The following TDRD12 variants were observed in gnomAD, a reference collection of about 807,000 sequenced individuals.
TDRD12 encodes the protein putative ATP-dependent RNA helicase TDRD12.
TDRD12 carries 158 observed loss-of-function variants against 133.5 expected under a neutral mutation model. The observed-to-expected ratio is 1.18, with a 90% CI of 1.04 to 1.35. TDRD12 has a LOEUF of 1.35. Among genes scored for constraint, TDRD12 ranks in the 40% most tolerant of loss-of-function variants. TDRD12 has a pLI of 0.00. For synonymous variants in TDRD12, 460 were observed against 477.9 expected (o/e 0.96, Z 0.49); for missense variants, 1,443 against 1,321.3 (o/e 1.09, Z -1.43).
chr19:32,802,839 C>A (rs1441178646), intron 20 of TDRD12, 50 bp downstream of exon 20: 1 of 1,533,554 alleles, frequency 6.5e-7, no homozygotes, highest in South Asian at 1.2e-5. Context: ...TCTTCTGTGT[C>A]ATGATAAGCT....
At chr19:32,769,673 ATT>A (rs1970390899) in intron 8 of TDRD12, among the ~76,000 whole-genome samples, 1 of 151,256 alleles carries the variant, frequency 6.6e-6, no homozygotes, top group African/African-American at 2.4e-5. Flanking sequence ...TTTTGCTCTC[ATT>A]GCCCAGGCTA....
chr19:32,787,296 C>T (rs1970936104), intron 11 of TDRD12, among the ~76,000 whole-genome samples: 1 of 152,174 alleles, frequency 6.6e-6, no homozygotes, highest in African/African-American at 2.4e-5. Flanking sequence ...CTGGAAGCTT[C>T]ATCCCAGAGG....
intron 11 of TDRD12, among the ~76,000 whole-genome samples, chr19:32,787,799 C>T (rs541049546): frequency 2.0e-5 from 3 of 152,308 alleles, no homozygotes; most frequent in Admixed American, 6.5e-5. Flanking sequence ...CTGGGAAAAG[C>T]GCAGTATTTG....
exon 9 of TDRD12, chr19:32,826,545 A>G (rs1354867827): frequency 1.6e-6 from 2 of 1,245,788 alleles, no homozygotes; most frequent in Non-Finnish European, 1.0e-6. Context: ...TGAACCTGTA[A>G]TCACTCTGGC....
downstream of TDRD12, among the ~76,000 whole-genome samples, chr19:32,825,041 C>A (rs969527754): frequency 2.0e-5 from 3 of 152,160 alleles, no homozygotes; most frequent in Non-Finnish European, 2.9e-5. This position sits in a 1 kb window ranked among gnomAD's most constrained non-coding sequence, Gnocchi z 4.1. Context: ...TAGGATCAGT[C>A]CCAGCTCTGT....
chr19:32,774,398 C>A (rs1398674106), intron 10 of TDRD12, among the ~76,000 whole-genome samples: 2 of 151,378 alleles, frequency 1.3e-5, no homozygotes, highest in African/African-American at 2.4e-5. Context: ...ATTTTCCTTC[C>A]ACCTAAGGGC....
intron 11 of TDRD12, among the ~76,000 whole-genome samples, chr19:32,780,991 G>C (rs1224254401): frequency 7.0e-6 from 1 of 142,258 alleles, no homozygotes; most frequent in East Asian, 2.1e-4. Context: ...TGCCCAGCCT[G>C]GAGTGCAGTG....
intron 27 of TDRD12, among the ~76,000 whole-genome samples, chr19:32,820,264 CGT>C (rs1019008204): frequency 6.6e-6 from 1 of 152,034 alleles, no homozygotes; most frequent in Non-Finnish European, 1.5e-5. Context: ...CCCTCCTCCT[CGT>C]GTGTGTGTGT....
At position 32,826,370 on chromosome 19, in the gene TDRD12, A is replaced by G; in HGVS notation, c.895+13A>G. The G allele has an allele frequency of 1.9e-6, 2 of 1,060,094 alleles. No individual in the cohort carries two copies. Among genetic ancestry groups the G allele is most frequent in the South Asian group, 3.5e-5 (1 of 28,404 alleles). The allele number at this position is 1,060,094 out of a possible 1,614,324, so 65.7% of individuals were successfully genotyped here. A position where few individuals can be genotyped will look rare whatever the true frequency, so the allele number is the denominator to read the frequency against. Reference sequence around the variant, plus strand: ...GAGTCGTTTTCAGGTAGGTTTATGTATAGTCATATAAAGTAAAATAGAAAT... The same window carrying G: ...GAGTCGTTTTCAGGTAGGTTTATGTGTAGTCATATAAAGTAAAATAGAAAT... On this transcript the variant is annotated intron_variant, in intron 8 of 9. Transcript: ENST00000637289.
At position 32,821,027 on chromosome 19, in the gene TDRD12, G is replaced by C; in HGVS notation, c.3384-6G>C. 6.5e-7 allele frequency: 1 copy of C among 1,535,408 alleles called. No homozygotes were observed. The highest frequency in any genetic ancestry group is 8.7e-7 in the Non-Finnish European group (1 of 1,146,678). ...CCAGGTGTTAACCCCTGCCTCTCCC[G>C]TCTAGGACGCCTCCAGCAGAAGATG... On this transcript the variant is annotated splice_polypyrimidine_tract_variant and splice_region_variant and intron_variant, in intron 27 of 27. Coordinates refer to ENST00000444215, the Ensembl canonical transcript of TDRD12.
chr19:32,801,091 T>C (rs138805643), intron 18 of TDRD12, among the ~76,000 whole-genome samples: 15 of 151,930 alleles, frequency 9.9e-5, no homozygotes, highest in African/African-American at 3.1e-4. Context: ...TTTAAGAAGA[T>C]TGAGGTGGCT....
At chr19:32,817,969 CAAAA>C (rs77102946) in intron 26 of TDRD12, 116 bp from the exon 27 acceptor site, 49 of 593,344 alleles carry the variant, frequency 8.3e-5, no homozygotes, top group East Asian at 1.8e-4. Flanking sequence ...GCCTCTGTCT[CAAAA>C]AAAAAAAAAA....
At chr19:32,776,533 G>T (rs540139475) in intron 10 of TDRD12, among the ~76,000 whole-genome samples, 20 of 152,318 alleles carry the variant, frequency 1.3e-4, no homozygotes, top group African/African-American at 4.6e-4. Flanking sequence ...GGAGATTCTG[G>T]CGTCTGCACC....
rs1216793488 is a variant in TDRD12 at position 32,720,233 on chromosome 19, C to T, written c.24+137C>T. 5.8e-6 allele frequency: 5 copies of T among 859,226 alleles called. No homozygotes were observed. In the African/African-American group the frequency reaches 6.2e-5, roughly 11 times the overall value. 53.2% of individuals were successfully genotyped at this position (859,226 alleles called of 1,614,324 possible). On this transcript the variant is annotated intron_variant, in intron 1 of 27. Transcript: ENST00000444215. ...CCGCAGCCCCGCACAGCCTCCCACC[C>T]CCGACCCCAACCCTACACAGCCCCC...
At chr19:32,813,197 A>G (rs1458462045) in intron 24 of TDRD12, among the ~76,000 whole-genome samples, 1 of 152,038 alleles carries the variant, frequency 6.6e-6, no homozygotes, top group East Asian at 1.9e-4. Flanking sequence ...GAAAGAAAAC[A>G]ACAGCCATTT....
At chr19:32,788,217 G>C (rs1970966685) in intron 11 of TDRD12, among the ~76,000 whole-genome samples, 1 of 151,688 alleles carries the variant, frequency 6.6e-6, no homozygotes. Context: ...CTGCCTCCTG[G>C]GTTCAAGTGA....
At chr19:32,812,059 G>C (rs1400687714) in intron 24 of TDRD12, among the ~76,000 whole-genome samples, 1 of 152,192 alleles carries the variant, frequency 6.6e-6, no homozygotes, top group Non-Finnish European at 1.5e-5. Flanking sequence ...GGCTTCGTGG[G>C]GTAACTAGGG....
intron 26 of TDRD12, among the ~76,000 whole-genome samples, chr19:32,817,098 C>T (rs944438872): frequency 6.6e-6 from 1 of 152,176 alleles, no homozygotes; most frequent in African/African-American, 2.4e-5. Context: ...ACAGTGATTC[C>T]TTCAATTGCA....
intron 16 of TDRD12, among the ~76,000 whole-genome samples, chr19:32,798,978 C>G (rs892465687): frequency 1.3e-5 from 2 of 152,194 alleles, no homozygotes; most frequent in Non-Finnish European, 2.9e-5. Context: ...CTTTGGACAT[C>G]ACAGAATTTG....
Sources: allele counts gnomAD v4.1 joint callset (sites outside exome capture counted in the v4.1 genomes callset), GRCh38; gene constraint gnomAD v4.1.1; non-coding constraint Gnocchi (gnomAD v3.1); transcripts MANE v1.5; gene names NCBI Gene and HGNC (gene_info 2026-07-23, HGNC 2026-07-21).